Variants in MICU1 observed in about 807,000 individuals in gnomAD.
MICU1 encodes mitochondrial calcium uptake 1.
A neutral mutation model predicts 56.8 loss-of-function variants in MICU1; 45 were observed. The observed-to-expected ratio is 0.79, with a 90% CI of 0.62 to 1.02. The LOEUF (loss-of-function observed/expected upper bound fraction) is 1.02. Ranked by LOEUF, MICU1 falls within the 50% of genes least tolerant of loss-of-function variation. MICU1 has a pLI of 0.00. For missense variants in MICU1, 504 were observed against 587.1 expected (o/e 0.86, Z 1.46); for synonymous variants, 186 against 195.1 (o/e 0.95, Z 0.39).
At chr10:72,401,676 A>C (rs1264743983) in intron 10 of MICU1, among the ~76,000 whole-genome samples, 2 of 152,124 alleles carry the variant, frequency 1.3e-5, no homozygotes, top group Non-Finnish European at 2.9e-5. Context: ...ACGAAAACAA[A>C]ACATTTCCAT....
At chr10:72,403,115 C>T (rs770849439) in intron 10 of MICU1, among the ~76,000 whole-genome samples, 18 of 152,154 alleles carry the variant, frequency 1.2e-4, no homozygotes, top group South Asian at 4.1e-4. Flanking sequence ...CGGTGGCTGA[C>T]GCCTGTAATC....
At chr10:72,588,326 G>GTT (rs11440516) in intron 1 of MICU1, among the ~76,000 whole-genome samples, 160 of 148,144 alleles carry the variant, frequency 1.1e-3, no homozygotes, top group South Asian at 3.4e-3. Context: ...CCAGTCTGAG[G>GTT]TTTTTTTTTT....
At chr10:72,615,485 A>T (rs986168258) in intron 1 of MICU1, among the ~76,000 whole-genome samples, 2 of 152,062 alleles carry the variant, frequency 1.3e-5, no homozygotes, top group Non-Finnish European at 2.9e-5. Context: ...GTTACATCTA[A>T]AGGTTAGATC....
rs564563329 is a variant in MICU1 at position 72,520,174 on chromosome 10, A to G, written c.538-11905T>C. On this transcript the variant is annotated intron_variant, in intron 5 of 11. Transcript: ENST00000361114. ...AGTATTTCTATCTAAGGTTGGGGTC[A>G]AGGTATGCGGTGGGGTGTTAGAAAG... Among the ~76,000 whole-genome samples, 3 of 152,284 alleles carry G rather than the reference A, an allele frequency of 2.0e-5. No homozygotes were observed. The South Asian group carries it at 6.2e-4, about 32-fold the overall frequency.
chr10:72,550,871 A>G lies in MICU1; in HGVS notation c.493+308T>C, dbSNP rs1840018407. On this transcript the variant is annotated intron_variant, in intron 4 of 11. Transcript: ENST00000361114. ...TATAAGTTTTCTAGTTTTCCTCACT[A>G]AAGAGTGACTTGATAGCAGTTGTAT... Among the ~76,000 whole-genome samples, 8 of 152,202 alleles carry G rather than the reference A, an allele frequency of 5.3e-5. No homozygotes were observed. The South Asian group carries it at 1.7e-3, about 31-fold the overall frequency.
intron 1 of MICU1, among the ~76,000 whole-genome samples, chr10:72,622,198 C>G (rs888019723): frequency 6.7e-6 from 1 of 149,140 alleles, no homozygotes; most frequent in African/African-American, 2.5e-5. Flanking sequence ...GCTGGGATTA[C>G]AAGCGTGAGC....
chr10:72,429,342 C>G (rs1864449305), intron 8 of MICU1, among the ~76,000 whole-genome samples: 1 of 148,722 alleles, frequency 6.7e-6, no homozygotes, highest in African/African-American at 2.5e-5. Flanking sequence ...ATCAGTTGAA[C>G]CTGGGAGGTG....
intron 4 of MICU1, among the ~76,000 whole-genome samples, chr10:72,546,340 G>A (rs1371924242): frequency 2.0e-5 from 3 of 152,208 alleles, no homozygotes; most frequent in African/African-American, 7.2e-5. Context: ...ATAGTGAACT[G>A]TAACCTAACT....
chr10:72,607,854 G>A (rs1841734890), intron 1 of MICU1, among the ~76,000 whole-genome samples: 1 of 151,844 alleles, frequency 6.6e-6, no homozygotes, highest in Non-Finnish European at 1.5e-5. Flanking sequence ...TTAACCTGTG[G>A]GGGGGGTCTA....
intron 6 of MICU1, among the ~76,000 whole-genome samples, chr10:72,497,780 T>C (rs1866896015): frequency 6.6e-6 from 1 of 152,206 alleles, no homozygotes; most frequent in African/African-American, 2.4e-5. Context: ...CTGTAATCAA[T>C]GGTATAGTGA....
intron 1 of MICU1, among the ~76,000 whole-genome samples, chr10:72,623,452 G>T (rs1842158648): frequency 6.6e-6 from 1 of 152,060 alleles, no homozygotes; most frequent in South Asian, 2.1e-4. Flanking sequence ...AAAAAAACTG[G>T]TTCTAGTGGC....
At chr10:72,437,303 T>C (rs1029454842) in intron 8 of MICU1, among the ~76,000 whole-genome samples, 1 of 152,098 alleles carries the variant, frequency 6.6e-6, no homozygotes, top group African/African-American at 2.4e-5. Flanking sequence ...CTAAGCTTCA[T>C]AAGTGAAGGA....
intron 5 of MICU1, among the ~76,000 whole-genome samples, chr10:72,520,578 C>T (rs558017157): frequency 5.8e-4 from 88 of 152,116 alleles, no homozygotes; most frequent in Non-Finnish European, 9.4e-4. Context: ...ATACTGTAAA[C>T]TTCACTATGC....
chr10:72,585,130 C>T (rs531349724), intron 1 of MICU1, among the ~76,000 whole-genome samples: 1 of 151,164 alleles, frequency 6.6e-6, no homozygotes, highest in African/African-American at 2.4e-5. Context: ...CTCTGTCCCC[C>T]AGGCTGGCGT....
chr10:72,368,653 C>T (rs1173510511), intron 11 of MICU1, among the ~76,000 whole-genome samples: 1 of 152,178 alleles, frequency 6.6e-6, no homozygotes, highest in Admixed American at 6.6e-5. Flanking sequence ...CCTGGAAATA[C>T]TTCCAGGCTG....
At chr10:72,476,753 T>C (rs1213967280) in intron 7 of MICU1, among the ~76,000 whole-genome samples, 3 of 152,168 alleles carry the variant, frequency 2.0e-5, no homozygotes, top group African/African-American at 7.2e-5. Context: ...ATTTTGAAAT[T>C]GTCACCTACT....
chr10:72,403,653 G>A (rs1432621860), intron 10 of MICU1, among the ~76,000 whole-genome samples: 1 of 151,316 alleles, frequency 6.6e-6, no homozygotes, highest in Non-Finnish European at 1.5e-5. Context: ...GTGTGTGTGT[G>A]TGTGTGTGTG....
At chr10:72,587,651 G>C (rs948510957) in intron 1 of MICU1, among the ~76,000 whole-genome samples, 9 of 151,830 alleles carry the variant, frequency 5.9e-5, no homozygotes, top group Admixed American at 2.6e-4. Flanking sequence ...GGACATGGTG[G>C]TGCACGTCTG....
At chr10:72,403,790 G>C (rs983096728) in intron 10 of MICU1, among the ~76,000 whole-genome samples, 7 of 151,690 alleles carry the variant, frequency 4.6e-5, no homozygotes, top group African/African-American at 1.5e-4. Flanking sequence ...CAAGTAGTTG[G>C]GACTACAGTC....
Sources: gnomAD v4.1 joint callset for allele counts (sites outside exome capture counted in the v4.1 genomes callset) on GRCh38, gnomAD v4.1.1 for gene constraint, MANE v1.5 for transcripts, NCBI Gene and HGNC (gene_info 2026-07-23, HGNC 2026-07-21) for gene names.